Variants in PARD3B observed in about 807,000 individuals in gnomAD.
The protein encoded by PARD3B is partitioning defective 3 homolog B.
PARD3B carries 103 observed loss-of-function variants against 130.2 expected under a neutral mutation model. That is an observed-to-expected ratio of 0.79 (90% CI 0.67 to 0.93). The LOEUF is 0.93. Among genes scored for constraint, PARD3B ranks in the 40% least tolerant of loss-of-function variants. The probability of loss-of-function intolerance (pLI) is 0.00; values close to 1 mark genes in which losing one functional copy is unlikely to be tolerated. For synonymous variants in PARD3B, 583 were observed against 553.2 expected (o/e 1.05, Z -0.76); for missense variants, 1,609 against 1,499.2 (o/e 1.07, Z -1.21).
Position 205,218,331 on chromosome 2 carries a change from G to A in PARD3B, c.2140+25011G>A, listed in dbSNP as rs535480344. On this transcript the variant is annotated intron_variant, in intron 15 of 22. Transcript: ENST00000406610. ...TTTACAAAAACCTACTGAAGTATGTGAGATATGAACAAAATTATTGGCTGT... is the reference window on the plus strand; with the variant it reads ...TTTACAAAAACCTACTGAAGTATGTAAGATATGAACAAAATTATTGGCTGT... 4.6e-5 allele frequency among the ~76,000 whole-genome samples: 7 copies of A among 152,230 alleles called. No individual in the cohort carries two copies. The South Asian group carries it at 1.5e-3, about 32-fold the overall frequency.
At chr2:205,420,297 C>A (rs538231104) in intron 19 of PARD3B, among the ~76,000 whole-genome samples, 1 of 152,248 alleles carries the variant, frequency 6.6e-6, no homozygotes, top group Admixed American at 6.5e-5. Flanking sequence ...CTAACAATTG[C>A]TATGTACGTG....
At chr2:204,892,996 G>C (rs930719801) in intron 2 of PARD3B, among the ~76,000 whole-genome samples, 2 of 152,168 alleles carry the variant, frequency 1.3e-5, no homozygotes, top group African/African-American at 4.8e-5. Flanking sequence ...TCTCAGCATG[G>C]AAGTGGTTTT....
intron 2 of PARD3B, among the ~76,000 whole-genome samples, chr2:204,775,363 T>A (rs2041573774): frequency 1.3e-5 from 2 of 152,164 alleles, no homozygotes; most frequent in African/African-American, 2.4e-5. Flanking sequence ...ATAATGATAG[T>A]GGTAATAATT....
chr2:205,141,987 A>T (rs2032995451), intron 10 of PARD3B, among the ~76,000 whole-genome samples: 1 of 152,220 alleles, frequency 6.6e-6, no homozygotes, highest in South Asian at 2.1e-4. Flanking sequence ...ACTTGTTCTT[A>T]GGCATGGCGT....
chr2:205,069,385 T>G (rs1370857436), intron 4 of PARD3B, among the ~76,000 whole-genome samples: 1 of 152,066 alleles, frequency 6.6e-6, no homozygotes, highest in Non-Finnish European at 1.5e-5. Context: ...AAAAATCCAG[T>G]CTGATAATCT....
At position 205,407,948 on chromosome 2, in the gene PARD3B, C is replaced by G. The variant is rs1471841918; in HGVS notation, c.2741+6825C>G. Among the ~76,000 whole-genome samples, 2 of 152,068 alleles carry G rather than the reference C, an allele frequency of 1.3e-5. No individual in the cohort carries two copies. Among genetic ancestry groups the G allele is most frequent in the Admixed American group, 1.3e-4 (2 of 15,262 alleles). On this transcript the variant is annotated intron_variant, in intron 19 of 22. Coordinates refer to ENST00000406610, the MANE Select transcript of PARD3B (RefSeq NM_001302769.2). The surrounding 1 kb of genome is among the most constrained non-coding windows in gnomAD (Gnocchi z 4.1). ...TTCGTAGATCTTACTAGAATCTTAGCAGGATACATGAGGAGATGGGAGAAA... is the reference window on the plus strand; with the variant it reads ...TTCGTAGATCTTACTAGAATCTTAGGAGGATACATGAGGAGATGGGAGAAA...
chr2:205,150,206 A>G (rs529932478), intron 10 of PARD3B, among the ~76,000 whole-genome samples: 1 of 136,186 alleles, frequency 7.3e-6, no homozygotes, highest in East Asian at 2.3e-4. Flanking sequence ...TACGCCAGCC[A>G]GGCTCTGTGT....
intron 20 of PARD3B, among the ~76,000 whole-genome samples, chr2:205,455,564 G>A (rs2048245280): frequency 6.6e-6 from 1 of 151,698 alleles, no homozygotes; most frequent in Non-Finnish European, 1.5e-5. Flanking sequence ...CCATTTGGAT[G>A]ACAGTTCTTA....
At position 205,121,841 on chromosome 2, in the gene PARD3B, C is replaced by A; in HGVS notation, c.1057C>A (p.Pro353Thr). The change falls in exon 8 of 23, where the codon CCC becomes ACC. Residue 353 changes from proline (P) to threonine (T), a missense_variant. Coordinates refer to ENST00000406610, the MANE Select transcript of PARD3B (RefSeq NM_001302769.2). This position sits in a 1 kb window ranked among gnomAD's most constrained non-coding sequence, Gnocchi z 5.0. ...ASASLQQNKS[P>T]RVPRLGGKPS... The stretch of plus-strand genomic sequence containing the variant: ...AGCTTCCCTGCAACAAAACAAGAGT[C>A]CCCGAGTACCAAGGCTGGGAGGAAA... The A allele has an allele frequency of 6.2e-7, 1 of 1,614,100 alleles. No individual in the cohort carries two copies. The highest frequency in any genetic ancestry group is 8.5e-7 in the Non-Finnish European group (1 of 1,179,994).
In PARD3B at chr2:205,011,754, G is replaced by T. The variant is rs1695731534; in HGVS notation, c.395-35827G>T. Among the ~76,000 whole-genome samples the T allele has an allele frequency of 6.6e-6, 1 of 151,776 alleles. No individual in the cohort carries two copies. The highest frequency in any genetic ancestry group is 1.5e-5 in the Non-Finnish European group (1 of 67,966). On this transcript the variant is annotated intron_variant, in intron 3 of 22. Coordinates refer to ENST00000406610, the MANE Select transcript of PARD3B (RefSeq NM_001302769.2). This position sits in a 1 kb window ranked among gnomAD's most constrained non-coding sequence, Gnocchi z 4.1. ...GAACCTAGCTTGGAAATAAAGAAGGGGTCTCACCATTCAGTATTTGACTCT... is the reference window on the plus strand; with the variant it reads ...GAACCTAGCTTGGAAATAAAGAAGGTGTCTCACCATTCAGTATTTGACTCT...
intron 1 of PARD3B, among the ~76,000 whole-genome samples, chr2:204,548,157 C>T (rs1015241109): frequency 6.6e-6 from 1 of 152,076 alleles, no homozygotes; most frequent in African/African-American, 2.4e-5. Context: ...AAATCGTATT[C>T]ATAATGGCAC....
chr2:204,566,315 A>G (rs1475520679), intron 1 of PARD3B, among the ~76,000 whole-genome samples: 1 of 152,346 alleles, frequency 6.6e-6, no homozygotes, highest in South Asian at 2.1e-4. Context: ...TTTGTAGACA[A>G]ACCTTTCATT....
chr2:205,099,058 T>G (rs541716983), intron 4 of PARD3B, among the ~76,000 whole-genome samples: 9 of 152,282 alleles, frequency 5.9e-5, no homozygotes, highest in African/African-American at 1.9e-4. Flanking sequence ...CTTAAAGGTG[T>G]CTGACCAGTT....
intron 18 of PARD3B, among the ~76,000 whole-genome samples, chr2:205,363,585 C>T (rs2044478088): frequency 6.6e-6 from 1 of 152,100 alleles, no homozygotes; most frequent in Non-Finnish European, 1.5e-5. Context: ...TTAGAACTCA[C>T]CCTTGGGAAA....
At chr2:205,087,588 A>G (rs1287513932) in intron 4 of PARD3B, among the ~76,000 whole-genome samples, 1 of 152,142 alleles carries the variant, frequency 6.6e-6, no homozygotes, top group Non-Finnish European at 1.5e-5. Flanking sequence ...TTTTGTAATG[A>G]GACTGTTACA....
In PARD3B at chr2:205,162,776, C is replaced by A. The variant is rs565681444; in HGVS notation, c.1620+3869C>A. On this transcript the variant is annotated intron_variant, in intron 11 of 22. Coordinates refer to ENST00000406610, the MANE Select transcript of PARD3B (RefSeq NM_001302769.2). ...TTTCCCTAAATCCACATCAAAATGT[C>A]CCTAAATCCACATCAAAATTTGCGT... Among the ~76,000 whole-genome samples, 4 of 152,240 alleles carry A rather than the reference C, an allele frequency of 2.6e-5. 1 individual carries two copies. The highest frequency in any genetic ancestry group is 9.6e-5 in the African/African-American group (4 of 41,548).
chr2:205,072,321 C>G (rs552227734), intron 4 of PARD3B, among the ~76,000 whole-genome samples: 2 of 151,282 alleles, frequency 1.3e-5, no homozygotes, highest in African/African-American at 4.9e-5. Flanking sequence ...GCACTCTTGG[C>G]TCACTGCAAC....
At chr2:204,652,176 C>T (rs77812210) in intron 1 of PARD3B, among the ~76,000 whole-genome samples, 2,914 of 152,256 alleles carry the variant, frequency 0.019, 44 homozygotes, top group Middle Eastern at 0.071. Flanking sequence ...CCCCCACCCC[C>T]GAAAATCAGT....
intron 18 of PARD3B, among the ~76,000 whole-genome samples, chr2:205,365,446 A>T (rs1387859668): frequency 1.3e-5 from 2 of 151,036 alleles, no homozygotes; most frequent in African/African-American, 4.9e-5. Context: ...TCTTTCTGCC[A>T]CAAAACACAC....
Sources: gnomAD v4.1 joint callset for allele counts (sites outside exome capture counted in the v4.1 genomes callset) on GRCh38, gnomAD v4.1.1 for gene constraint, Gnocchi (gnomAD v3.1) non-coding constraint, MANE v1.5 for transcripts, NCBI Gene and HGNC (gene_info 2026-07-23, HGNC 2026-07-21) for gene names.